IGLL5: variants seen among roughly 807,000 people sequenced by gnomAD.
The protein encoded by IGLL5 is immunoglobulin lambda-like polypeptide 5.
IGLL5 carries 30 observed loss-of-function variants against 20.9 expected under a neutral mutation model. That is an observed-to-expected ratio of 1.44 (90% confidence interval 1.07 to 1.95). The LOEUF is 1.95. IGLL5 is among the 30% of genes most tolerant of loss of function. The pLI is 0.00. For missense variants in IGLL5, 475 were observed against 270.7 expected (o/e 1.75, Z -5.30); for synonymous variants, 203 against 117.3 (o/e 1.73, Z -4.72).
intron 1 of IGLL5, among the ~76,000 whole-genome samples, chr22:22,891,356 A>G (rs2067841406): frequency 1.3e-5 from 2 of 151,124 alleles, no homozygotes; most frequent in South Asian, 4.2e-4. Flanking sequence ...CAATTACTAC[A>G]TTACTGATTT....
intron 2 of IGLL5, among the ~76,000 whole-genome samples, chr22:22,894,580 T>G (rs557077253): frequency 6.6e-6 from 1 of 151,394 alleles, no homozygotes; most frequent in East Asian, 2.0e-4. Context: ...AAAGGGCATG[T>G]TAGACTCAGG....
intron 1 of IGLL5, among the ~76,000 whole-genome samples, chr22:22,890,464 A>G (rs542631710): frequency 6.7e-6 from 1 of 150,198 alleles, no homozygotes. Flanking sequence ...TTCATTGCTT[A>G]TAAACTTTGT....
chr22:22,889,121 A>T (rs9623963), intron 1 of IGLL5, among the ~76,000 whole-genome samples: 1 of 151,088 alleles, frequency 6.6e-6, no homozygotes, highest in Non-Finnish European at 1.5e-5. Flanking sequence ...AAAAATCAGC[A>T]CCGGATTGGA....
At chr22:22,894,974 A>C (rs1349503014) in intron 2 of IGLL5, among the ~76,000 whole-genome samples, 2 of 151,282 alleles carry the variant, frequency 1.3e-5, no homozygotes, top group African/African-American at 2.4e-5. Flanking sequence ...TTCACGGAGG[A>C]GGCTCTAGGT....
At chr22:22,894,666 C>G (rs77331439) in intron 2 of IGLL5, among the ~76,000 whole-genome samples, 2 of 151,270 alleles carry the variant, frequency 1.3e-5, no homozygotes, top group African/African-American at 2.4e-5. Context: ...TCATCACAGG[C>G]TGCTGGGGTG....
At position 22,890,330 on chromosome 22, in the gene IGLL5, C is replaced by A. The variant is rs1458626731; in HGVS notation, c.206+2071C>A. Reference sequence around the variant, plus strand: ...CCCTGAAAACACACACACACACACACACACACACACACACAGTTGGTGCTG... The same window carrying A: ...CCCTGAAAACACACACACACACACAAACACACACACACACAGTTGGTGCTG... On this transcript the variant is annotated intron_variant, in intron 1 of 2. Transcript: ENST00000526893. Among the ~76,000 whole-genome samples, 4 of 145,536 alleles carry A rather than the reference C, an allele frequency of 2.7e-5. 1 individual carries two copies. The highest frequency in any genetic ancestry group is 6.0e-5 in the Non-Finnish European group (4 of 66,258).
At chr22:22,888,347 G>A (rs576676969) in intron 1 of IGLL5, 88 bp downstream of exon 1, 17 of 1,282,314 alleles carry the variant, frequency 1.3e-5, no homozygotes, top group Admixed American at 4.4e-5. Context: ...AGAGGAGTGA[G>A]GAGGAAGGTT....
intron 1 of IGLL5, among the ~76,000 whole-genome samples, chr22:22,891,122 C>T (rs1449288875): frequency 2.0e-5 from 3 of 151,030 alleles, no homozygotes; most frequent in Non-Finnish European, 2.9e-5. Context: ...TTAATCTTTT[C>T]TTTATGGTTT....
chr22:22,887,850 T>C lies in IGLL5; in HGVS notation c.-204T>C. ...TCAGGGCAGTTGGTAGATGCCCCTCTGGGAGAGATCCCCAGGGGTGACAGC... is the reference window on the plus strand; with the variant it reads ...TCAGGGCAGTTGGTAGATGCCCCTCCGGGAGAGATCCCCAGGGGTGACAGC... On this transcript the variant is annotated 5_prime_UTR_variant, in exon 1 of 3. Coordinates refer to ENST00000526893, the MANE Select transcript of IGLL5 (RefSeq NM_001178126.2). 1 of 615,236 alleles carries C rather than the reference T, an allele frequency of 1.6e-6. No individual in the cohort carries two copies. 38.1% of individuals were successfully genotyped at this position (615,236 alleles called of 1,614,324 possible).
chr22:22,888,343 G>T (rs563000053), intron 1 of IGLL5, 84 bp downstream of exon 1: 2 of 1,331,728 alleles, frequency 1.5e-6, no homozygotes, highest in Admixed American at 4.3e-5. Flanking sequence ...AGCCAGAGGA[G>T]TGAGGAGGAA....
intron 1 of IGLL5, among the ~76,000 whole-genome samples, chr22:22,889,461 A>C (rs1601608364): frequency 6.6e-6 from 1 of 151,374 alleles, no homozygotes; most frequent in African/African-American, 2.4e-5. Context: ...TGGGGGAATA[A>C]TCAAAGCTGT....
rs1226376561 is a variant in IGLL5, at chr22:22,894,218, T to A, written c.325+400T>A. ...CTGGGAGCTGCTGAGTCTCATAGTC[T>A]AGGGGAGCAGCCCCAAGAACAGCTG... On this transcript the variant is annotated intron_variant, in intron 2 of 2. Coordinates refer to ENST00000526893, the MANE Select transcript of IGLL5 (RefSeq NM_001178126.2). Among the ~76,000 whole-genome samples, 3 of 151,024 alleles carry A rather than the reference T, an allele frequency of 2.0e-5. 1 individual carries two copies. The highest frequency in any genetic ancestry group is 6.6e-5 in the Admixed American group (1 of 15,084).
intron 1 of IGLL5, 134 bp downstream of exon 1, chr22:22,888,393 A>C (rs1742658313): frequency 2.9e-6 from 2 of 679,952 alleles, no homozygotes; most frequent in African/African-American, 2.1e-5. Flanking sequence ...CACTGGCTTT[A>C]GTAATGGGTT....
intron 1 of IGLL5, among the ~76,000 whole-genome samples, chr22:22,888,932 C>A (rs192296098): frequency 2.0e-5 from 3 of 151,192 alleles, no homozygotes; most frequent in Admixed American, 6.6e-5. Context: ...GTGATGGGTG[C>A]CCCCAAAAGA....
chr22:22,894,278 C>CT, intron 2 of IGLL5, among the ~76,000 whole-genome samples: 1 of 151,016 alleles, frequency 6.6e-6, no homozygotes, highest in Non-Finnish European at 1.5e-5. Context: ...CCAATCCAGC[C>CT]TGGGAGGGCC....
chr22:22,894,390 T>G (rs2068025666), intron 2 of IGLL5, among the ~76,000 whole-genome samples: 3 of 151,392 alleles, frequency 2.0e-5, no homozygotes, highest in Non-Finnish European at 2.9e-5. Context: ...TGCTGGGTCA[T>G]GAGGACATGG....
chr22:22,894,104 A>AT (rs2067982512), intron 2 of IGLL5, among the ~76,000 whole-genome samples: 1 of 151,314 alleles, frequency 6.6e-6, no homozygotes, highest in African/African-American at 2.4e-5. Flanking sequence ...TGAGGGACAG[A>AT]GGCTGGTTCT....
At chr22:22,894,412 G>A (rs2068028316) in intron 2 of IGLL5, among the ~76,000 whole-genome samples, 3 of 151,464 alleles carry the variant, frequency 2.0e-5, no homozygotes, top group South Asian at 2.1e-4. Flanking sequence ...GACACAGAGG[G>A]ACGGGTGAGA....
chr22:22,893,753 G>A lies in IGLL5; in HGVS notation c.260G>A (p.Gly87Glu), dbSNP rs1569086141. Residue 87 changes from glycine (G) to glutamate (E), a missense_variant, in exon 2 of 3, where the codon GGG (glycine) becomes GAG (glutamate). Coordinates refer to ENST00000526893, the MANE Select transcript of IGLL5 (RefSeq NM_001178126.2). ...QRADPRCWPR[G>E]FWSEPQSLCY... The stretch of plus-strand genomic sequence containing the variant: ...GCAGACCCCAGGTGCTGGCCCCGGG[G>A]GTTTTGGTCTGAGCCTCAGTCACTG... The A allele has an allele frequency of 1.2e-6, 2 of 1,608,796 alleles. No homozygotes were observed. The highest frequency in any genetic ancestry group is 1.7e-4 in the Middle Eastern group (1 of 5,974).
Sources: gnomAD v4.1 joint callset for allele counts (sites outside exome capture counted in the v4.1 genomes callset) on GRCh38, gnomAD v4.1.1 for gene constraint, MANE v1.5 for transcripts, NCBI Gene and HGNC (gene_info 2026-07-23, HGNC 2026-07-21) for gene names.